Variants in KIF5C observed in about 807,000 individuals in gnomAD.
KIF5C encodes the protein kinesin heavy chain isoform 5C.
KIF5C carries 18 observed loss-of-function variants against 125.2 expected under a neutral mutation model. That is an observed-to-expected ratio of 0.14 (90% CI 0.10 to 0.21). The LOEUF (loss-of-function observed/expected upper bound fraction) is 0.21. Among genes scored for constraint, KIF5C ranks in the 10% least tolerant of loss-of-function variants. The probability of loss-of-function intolerance (pLI) is 1.00; values close to 1 mark genes in which losing one functional copy is unlikely to be tolerated. For missense variants in KIF5C, 780 were observed against 1,183.8 expected, an observed-to-expected ratio of 0.66 and a Z score of 5.01; for synonymous variants, 405 against 434.0, an observed-to-expected ratio of 0.93 and a Z score of 0.83.
At chr2:148,945,442 A>G (rs1195726152) in intron 7 of KIF5C, among the ~76,000 whole-genome samples, 1 of 152,112 alleles carries the variant, frequency 6.6e-6, no homozygotes, top group Non-Finnish European at 1.5e-5. Context: ...AAATTATTCA[A>G]CCATATATGT....
chr2:148,940,393 G>A (rs919153899), intron 4 of KIF5C, among the ~76,000 whole-genome samples: 1 of 152,222 alleles, frequency 6.6e-6, no homozygotes, highest in African/African-American at 2.4e-5. Flanking sequence ...AGCCAGGAGA[G>A]ATGCCCAGCA....
rs116234997 is a variant in KIF5C at position 148,949,967 on chromosome 2, T to C, written c.819+24T>C. 3,422 of 1,602,424 alleles carry C rather than the reference T, an allele frequency of 2.1e-3. 67 individuals are homozygous for C. In the African/African-American group the frequency reaches 0.04, roughly 19 times the overall value. The stretch of plus-strand genomic sequence containing the variant: ...CAGTAAGTGATCCTGCCCCCATCTA[T>C]TAAGTAATATTATGAGAAACCACCT... On this transcript the variant is annotated intron_variant, in intron 9 of 25. Coordinates refer to ENST00000435030, the MANE Select transcript of KIF5C (RefSeq NM_004522.3).
chr2:148,919,968 T>G (rs1681716703), intron 1 of KIF5C, among the ~76,000 whole-genome samples: 1 of 152,274 alleles, frequency 6.6e-6, no homozygotes, highest in South Asian at 2.1e-4. Context: ...CGCTGTATTA[T>G]CTGTTTGTCA....
intron 19 of KIF5C, among the ~76,000 whole-genome samples, chr2:148,999,247 C>T (rs563085108): frequency 6.7e-6 from 1 of 150,298 alleles, no homozygotes; most frequent in East Asian, 2.0e-4. Flanking sequence ...GACCTCCCCA[C>T]CCCCACCCCA....
intron 11 of KIF5C, among the ~76,000 whole-genome samples, chr2:148,971,584 C>T (rs1193867891): frequency 1.3e-5 from 2 of 152,100 alleles, no homozygotes; most frequent in African/African-American, 2.4e-5. Flanking sequence ...TTAGAAAAAA[C>T]GCTTAAGTAT....
chr2:148,984,984 G>A (rs1247353787), intron 15 of KIF5C, among the ~76,000 whole-genome samples: 1 of 152,002 alleles, frequency 6.6e-6, no homozygotes, highest in Non-Finnish European at 1.5e-5. Context: ...ATTTTTTTAA[G>A]TGGAGATGGG....
chr2:148,896,814 T>C (rs185275631), intron 1 of KIF5C, among the ~76,000 whole-genome samples: 1 of 135,152 alleles, frequency 7.4e-6, no homozygotes, highest in Admixed American at 8.1e-5. Flanking sequence ...TATGAGATCA[T>C]GATCCTTCCT....
At chr2:148,979,417 C>T (rs1681171397) in intron 13 of KIF5C, among the ~76,000 whole-genome samples, 1 of 152,208 alleles carries the variant, frequency 6.6e-6, no homozygotes, top group Non-Finnish European at 1.5e-5. Flanking sequence ...GCTAAGACTA[C>T]AAGAATGTGC....
intron 22 of KIF5C, 81 bp downstream of exon 22, chr2:149,005,545 TG>T (rs1681981937): frequency 6.4e-7 from 1 of 1,563,074 alleles, no homozygotes; most frequent in African/African-American, 1.4e-5. Flanking sequence ...AAATATCACT[TG>T]CTTAAGTCGG....
chr2:149,010,647 G>T lies in KIF5C; in HGVS notation c.2767+296G>T, dbSNP rs181827232. 2.0e-5 allele frequency among the ~76,000 whole-genome samples: 3 copies of T among 152,376 alleles called. No homozygotes were observed. The East Asian group carries it at 5.8e-4, about 29-fold the overall frequency. ...AGGCCTAGGTCTTGGGCTATAAATG[G>T]GTACACTCTTAGAAATACTGGAATA... On this transcript the variant is annotated intron_variant, in intron 24 of 25. Transcript: ENST00000435030.
chr2:148,978,964 A>G lies in KIF5C; in HGVS notation c.1336A>G (p.Lys446Glu). ...GCAGAGCCAGCTGGCTGAAAAGCTG[A>G]AGCAACAGATGTTGGATCAGGATGA... Reference protein sequence around the residue: ...NQQSQLAEKLKQQMLDQDELL... With the variant: ...NQQSQLAEKLEQQMLDQDELL... The change falls in exon 13 of 26, where the codon AAG becomes GAG. Residue 446 changes from lysine to glutamate, a missense_variant. This residue lies in a region of KIF5C where 573 missense variants were observed against 742.6 expected (regional missense o/e 0.77). Transcript: ENST00000435030. The G allele has an allele frequency of 6.3e-7, 1 of 1,594,080 alleles. No individual in the cohort carries two copies. Among genetic ancestry groups the G allele is most frequent in the Non-Finnish European group, 8.5e-7 (1 of 1,170,080 alleles).
chr2:148,941,819 C>T, intron 5 of KIF5C, 116 bp from the exon 6 acceptor site: 3 of 1,462,522 alleles, frequency 2.1e-6, no homozygotes, highest in Non-Finnish European at 2.8e-6. Context: ...CTTAAACTTG[C>T]ATATTGCAAA....
At chr2:148,996,604 C>G (rs1329812787) in intron 17 of KIF5C, among the ~76,000 whole-genome samples, 1 of 152,210 alleles carries the variant, frequency 6.6e-6, no homozygotes, top group Non-Finnish European at 1.5e-5. Flanking sequence ...TGGGGCTGCC[C>G]ATTGCACCTG....
At chr2:148,888,656 C>T (rs1681623185) in intron 1 of KIF5C, 1 of 151,988 alleles carries the variant, frequency 6.6e-6, no homozygotes, top group South Asian at 2.1e-4. Context: ...TTTTTTTCCT[C>T]CTTTGTAAGT....
chr2:148,941,848 C>A, intron 5 of KIF5C, 87 bp from the exon 6 acceptor site: 1 of 1,536,538 alleles, frequency 6.5e-7, no homozygotes, highest in Non-Finnish European at 8.8e-7. Flanking sequence ...ATTTGACTGT[C>A]TTTGTAACAA....
intron 1 of KIF5C, among the ~76,000 whole-genome samples, chr2:148,905,909 C>G (rs1478879388): frequency 6.6e-6 from 1 of 152,164 alleles, no homozygotes; most frequent in Admixed American, 6.5e-5. Flanking sequence ...CAGGGAAACT[C>G]CTCTCTGTAA....
In KIF5C at chr2:149,008,044, C is replaced by A. The variant is rs760686359; in HGVS notation, c.2527C>A (p.Gln843Lys). Residue 843 changes from glutamine (Q) to lysine (K), a missense_variant, in exon 23 of 26, where the codon CAG becomes AAG. This residue lies in a region of KIF5C where 573 missense variants were observed against 742.6 expected (regional missense o/e 0.77). Coordinates refer to ENST00000435030, the MANE Select transcript of KIF5C (RefSeq NM_004522.3). ...KISFLENNLE[Q>K]LTKVHKQLVR... ...TTCCTTCTTGGAGAATAACCTGGAG[C>A]AGCTCACCAAAGTTCACAAGCAGGT... is the stretch of plus-strand genomic sequence containing the variant. 6.2e-7 allele frequency: 1 copy of A among 1,612,428 alleles called. No homozygotes were observed. The highest frequency in any genetic ancestry group is 8.5e-7 in the Non-Finnish European group (1 of 1,178,830).
chr2:148,975,322 A>G (rs1450398039), intron 12 of KIF5C, among the ~76,000 whole-genome samples: 1 of 152,108 alleles, frequency 6.6e-6, no homozygotes, highest in African/African-American at 2.4e-5. Context: ...AGGCACTTCC[A>G]TGTTTCTGTT....
chr2:148,957,811 A>G (rs565424262), intron 10 of KIF5C, among the ~76,000 whole-genome samples: 1 of 152,212 alleles, frequency 6.6e-6, no homozygotes, highest in African/African-American at 2.4e-5. Flanking sequence ...AAATATATAT[A>G]CACATGTGAC....
Sources: gnomAD v4.1 joint callset for allele counts (sites outside exome capture counted in the v4.1 genomes callset) on GRCh38, gnomAD v4.1.1 for gene constraint, gnomAD v4.1.1 regional missense constraint, MANE v1.5 for transcripts, NCBI Gene and HGNC (gene_info 2026-07-23, HGNC 2026-07-21) for gene names.